SNX24: variants seen among roughly 807,000 people sequenced by gnomAD.
SNX24 encodes sorting nexin-24.
In SNX24, 22 loss-of-function variants were observed where a neutral mutation model predicts 28.7. That is an observed-to-expected ratio of 0.77 (90% CI 0.55 to 1.10). SNX24 has a LOEUF of 1.10. SNX24 is among the 50% of genes least tolerant of loss of function. The pLI is 0.00. For synonymous variants in SNX24, 69 were observed against 71.5 expected, an observed-to-expected ratio of 0.96 and a Z score of 0.18; for missense variants, 221 against 201.1, an observed-to-expected ratio of 1.10 and a Z score of -0.60.
At chr5:122,893,672 G>T (rs1259488571) in intron 1 of SNX24, among the ~76,000 whole-genome samples, 1 of 152,136 alleles carries the variant, frequency 6.6e-6, no homozygotes, top group Middle Eastern at 3.4e-3. Flanking sequence ...TCACTAAATA[G>T]AATTTAAGAT....
intron 1 of SNX24, among the ~76,000 whole-genome samples, chr5:122,869,705 G>A (rs917335242): frequency 2.0e-5 from 3 of 152,152 alleles, no homozygotes; most frequent in Non-Finnish European, 2.9e-5. Context: ...TTATTGCTAC[G>A]CTTTATCTCA....
intron 1 of SNX24, among the ~76,000 whole-genome samples, chr5:122,854,606 A>T (rs555747381): frequency 3.4e-4 from 52 of 152,160 alleles, no homozygotes; most frequent in Admixed American, 5.9e-4. Context: ...ATATAAACAC[A>T]TACTAATATA....
chr5:122,853,593 C>A, intron 1 of SNX24: 1 of 278,916 alleles, frequency 3.6e-6, no homozygotes. Flanking sequence ...AGCTTGTTTT[C>A]ATTGAGCTAG....
chr5:122,925,847 G>A (rs977495896), intron 1 of SNX24, among the ~76,000 whole-genome samples: 3 of 152,152 alleles, frequency 2.0e-5, no homozygotes, highest in Non-Finnish European at 4.4e-5. Flanking sequence ...TCAACCTGCT[G>A]TGTTGCAAGG....
intron 1 of SNX24, among the ~76,000 whole-genome samples, chr5:122,884,845 G>C (rs1756638817): frequency 6.6e-6 from 1 of 152,134 alleles, no homozygotes; most frequent in South Asian, 2.1e-4. Flanking sequence ...TGTAGTCTCT[G>C]AATGGAGAGC....
chr5:122,982,288 GT>G (rs534511461), intron 3 of SNX24, among the ~76,000 whole-genome samples: 2 of 152,148 alleles, frequency 1.3e-5, no homozygotes, highest in Non-Finnish European at 2.9e-5. Flanking sequence ...TTCAGCCTCT[GT>G]TTTGAGCAGT....
chr5:122,951,810 C>T (rs1462479729), intron 3 of SNX24, among the ~76,000 whole-genome samples: 1 of 152,144 alleles, frequency 6.6e-6, no homozygotes, highest in Admixed American at 6.5e-5. Flanking sequence ...GTTGTGGAGG[C>T]GGGAGGCAGC....
intron 3 of SNX24, among the ~76,000 whole-genome samples, chr5:122,973,722 A>G (rs890153857): frequency 6.6e-6 from 1 of 152,236 alleles, no homozygotes; most frequent in African/African-American, 2.4e-5. Flanking sequence ...TAGGCAGTTC[A>G]GGTTGCATGG....
chr5:123,008,066 C>G lies in SNX24; in HGVS notation c.*317C>G. On this transcript the variant is annotated 3_prime_UTR_variant, in exon 7 of 7. Coordinates refer to ENST00000261369, the MANE Select transcript of SNX24 (RefSeq NM_014035.4). ...GGGTGTAGCAAAACAAAGCCACTCT[C>G]TGCTTCAGTCGCACCATTTGCTAAT... 1 of 1,061,610 alleles carries G rather than the reference C, an allele frequency of 9.4e-7. No homozygotes were observed. The highest frequency in any genetic ancestry group is 1.1e-6 in the Non-Finnish European group (1 of 878,776). The allele number at this position is 1,061,610 out of a possible 1,614,324, so 65.8% of individuals were successfully genotyped here.
intron 1 of SNX24, among the ~76,000 whole-genome samples, chr5:122,850,137 C>T (rs1754828437): frequency 6.6e-6 from 1 of 152,194 alleles, no homozygotes; most frequent in African/African-American, 2.4e-5. Context: ...GTTCAGGCTA[C>T]TTTAACAAAA....
At chr5:122,905,377 G>A (rs1195297237) in intron 1 of SNX24, among the ~76,000 whole-genome samples, 2 of 152,200 alleles carry the variant, frequency 1.3e-5, no homozygotes, top group Non-Finnish European at 2.9e-5. Flanking sequence ...GGTCTTCACT[G>A]TATTGATCAC....
intron 1 of SNX24, among the ~76,000 whole-genome samples, chr5:122,851,954 T>G (rs1754938993): frequency 6.6e-6 from 1 of 151,996 alleles, no homozygotes; most frequent in Non-Finnish European, 1.5e-5. Flanking sequence ...TATCAATACC[T>G]TAATAGCATC....
At chr5:122,977,817 A>G (rs1480092754) in intron 3 of SNX24, among the ~76,000 whole-genome samples, 1 of 152,216 alleles carries the variant, frequency 6.6e-6, no homozygotes, top group Non-Finnish European at 1.5e-5. Context: ...GGAAATAGAG[A>G]GTTCTATTGT....
intron 5 of SNX24, chr5:123,023,594 TA>T (rs1277469134): frequency 1.8e-5 from 4 of 224,782 alleles, no homozygotes; most frequent in African/African-American, 6.8e-5. Flanking sequence ...AATATTGCAT[TA>T]AAAAAATAGC....
intron 3 of SNX24, among the ~76,000 whole-genome samples, chr5:122,972,217 G>A (rs1405251029): frequency 6.6e-6 from 1 of 152,114 alleles, no homozygotes; most frequent in Non-Finnish European, 1.5e-5. Flanking sequence ...TGTGTCTCCT[G>A]GTGGCAGCAT....
intron 3 of SNX24, among the ~76,000 whole-genome samples, chr5:122,977,198 G>A (rs1274023261): frequency 6.6e-6 from 1 of 152,140 alleles, no homozygotes; most frequent in Non-Finnish European, 1.5e-5. Context: ...TCATTTATTA[G>A]GGTTTTAAAC....
At chr5:122,850,369 C>T (rs529791289) in intron 1 of SNX24, among the ~76,000 whole-genome samples, 3 of 152,314 alleles carry the variant, frequency 2.0e-5, no homozygotes, top group African/African-American at 7.2e-5. Flanking sequence ...CCCATGACCT[C>T]ATCACTTCCC....
At chr5:122,845,827 G>A in intron 1 of SNX24, 134 bp downstream of exon 1, 4 of 449,998 alleles carry the variant, frequency 8.9e-6, no homozygotes, top group Non-Finnish European at 1.4e-5. Flanking sequence ...CGGCCCAGAG[G>A]AAGGGCTGCG....
At chr5:123,023,869 G>A (rs1407480023) in intron 5 of SNX24, 4 of 1,609,550 alleles carry the variant, frequency 2.5e-6, no homozygotes, top group Non-Finnish European at 3.4e-6. Context: ...TTTTCTGCCA[G>A]TTGTGTCACC....
Sources: gnomAD v4.1 joint callset for allele counts (sites outside exome capture counted in the v4.1 genomes callset) on GRCh38, gnomAD v4.1.1 for gene constraint, MANE v1.5 for transcripts, NCBI Gene and HGNC (gene_info 2026-07-23, HGNC 2026-07-21) for gene names.